ERC1: variants seen among roughly 807,000 people sequenced by gnomAD.
ERC1 encodes the protein ELKS/RAB6-interacting/CAST family member 1.
Under a neutral mutation model 132.0 loss-of-function variants are expected in ERC1, and 56 were observed. The observed-to-expected ratio is 0.42, with a 90% CI of 0.34 to 0.53. ERC1 has a LOEUF of 0.53. Ranked by LOEUF, ERC1 falls within the 20% of genes least tolerant of loss-of-function variation. The pLI is 0.03. For synonymous variants in ERC1, 478 were observed against 476.1 expected (o/e 1.00, Z -0.05); for missense variants, 1,202 against 1,349.9 (o/e 0.89, Z 1.72).
intron 15 of ERC1, among the ~76,000 whole-genome samples, chr12:1,315,567 T>G (rs995599959): frequency 2.3e-4 from 35 of 152,094 alleles, no homozygotes; most frequent in Non-Finnish European, 4.4e-4. Context: ...GCCAGGCTGG[T>G]CTCGAACTCC....
chr12:1,138,013 T>A (rs1949443109), intron 7 of ERC1, among the ~76,000 whole-genome samples: 1 of 133,786 alleles, frequency 7.5e-6, no homozygotes, highest in East Asian at 2.1e-4. Flanking sequence ...TATAAATGTG[T>A]AAATGTATAT....
chr12:1,013,828 C>T (rs1321558119), intron 1 of ERC1, among the ~76,000 whole-genome samples: 1 of 152,102 alleles, frequency 6.6e-6, no homozygotes, highest in Non-Finnish European at 1.5e-5. Flanking sequence ...AACTCCTGGG[C>T]TCAAGCTGTC....
chr12:1,335,515 A>T (rs375282160), intron 15 of ERC1, among the ~76,000 whole-genome samples: 1 of 151,982 alleles, frequency 6.6e-6, no homozygotes, highest in African/African-American at 2.4e-5. Context: ...AGTTCTGTTT[A>T]TGTGCTGAAT....
intron 8 of ERC1, among the ~76,000 whole-genome samples, chr12:1,165,947 C>T (rs755697427): frequency 6.6e-6 from 1 of 152,210 alleles, no homozygotes; most frequent in Non-Finnish European, 1.5e-5. Flanking sequence ...CTGGCAATTA[C>T]AACCCCTCAT....
Position 1,196,852 on chromosome 12 carries a change from C to CTGTCTG in ERC1, c.2351+6801_2351+6802insGTCTGT, listed in dbSNP as rs1394381112. ...TCTCTGTCTGTCTCTCTGTCTGTCT[C>CTGTCTG]TCTCTCACTCTCTCTCTCTCTCTCT... On this transcript the variant is annotated intron_variant, in intron 12 of 18. Transcript: ENST00000360905. Among the ~76,000 whole-genome samples the CTGTCTG allele has an allele frequency of 9.9e-3, 1,252 of 126,096 alleles. 97 individuals carry two copies. Among genetic ancestry groups the CTGTCTG allele is most frequent in the African/African-American group, 0.041 (1,150 of 28,200 alleles). The allele number at this position is 126,096 out of a possible 152,430, so 82.7% of individuals were successfully genotyped here. A position where few individuals can be genotyped will look rare whatever the true frequency, so the allele number is the denominator to read the frequency against.
At position 1,131,847 on chromosome 12, in the gene ERC1, C is replaced by A. The variant is rs1948797227; in HGVS notation, c.1570-9773C>A. ...TGTTCACTTCCATTGGTAGAGAAAA[C>A]CTTGTAGACAAAAGCCTTCTGTTTT... On this transcript the variant is annotated intron_variant, in intron 7 of 18. Coordinates refer to ENST00000360905, the MANE Select transcript of ERC1 (RefSeq NM_178040.4). 2.0e-5 allele frequency among the ~76,000 whole-genome samples: 3 copies of A among 152,084 alleles called. No homozygotes were observed. In the South Asian group the frequency reaches 6.2e-4, roughly 32 times the overall value.
Position 1,493,544 on chromosome 12 carries a change from A to ATATATATATATATATATAT in ERC1, c.*3314_*3315insTATATATATATATATATAT, listed in dbSNP as rs57315267. 17 of 22,484 alleles carry ATATATATATATATATATAT rather than the reference A, an allele frequency of 7.6e-4. No individual in the cohort carries two copies. Among genetic ancestry groups the ATATATATATATATATATAT allele is most frequent in the African/African-American group, 1.1e-3 (9 of 8,046 alleles). The allele number at this position is 22,484 out of a possible 1,614,324, so 1.4% of individuals were successfully genotyped here. On this transcript the variant is annotated 3_prime_UTR_variant, in exon 19 of 19. Transcript: ENST00000360905. The stretch of plus-strand genomic sequence containing the variant: ...AGAGACTCCATTTAAAAAAAAAAAA[A>ATATATATATATATATATAT]AAAAATATATATATATATATATATA...
At chr12:1,336,306 G>A (rs1414524209) in intron 15 of ERC1, among the ~76,000 whole-genome samples, 1 of 151,588 alleles carries the variant, frequency 6.6e-6, no homozygotes, top group African/African-American at 2.4e-5. Flanking sequence ...AGGTTGGTTT[G>A]CTCTCGGTTC....
intron 2 of ERC1, among the ~76,000 whole-genome samples, chr12:1,042,165 G>A (rs567478978): frequency 8.6e-5 from 13 of 152,044 alleles, no homozygotes; most frequent in African/African-American, 3.1e-4. Flanking sequence ...AGCCTCCCGA[G>A]TAGCTGGGAC....
intron 4 of ERC1, 38 bp from the exon 5 acceptor site, chr12:1,110,154 G>A (rs1178010687): frequency 2.0e-6 from 3 of 1,532,480 alleles, no homozygotes; most frequent in African/African-American, 1.4e-5. Context: ...CTGGGTTTTT[G>A]TGAATACTTC....
At chr12:1,242,844 T>C (rs1249624742) in intron 13 of ERC1, among the ~76,000 whole-genome samples, 1 of 152,020 alleles carries the variant, frequency 6.6e-6, no homozygotes, top group Non-Finnish European at 1.5e-5. Flanking sequence ...AAATAGAAAA[T>C]AATATAGTGT....
chr12:1,214,008 G>C (rs1307808547), intron 12 of ERC1, among the ~76,000 whole-genome samples: 1 of 152,100 alleles, frequency 6.6e-6, no homozygotes, highest in Non-Finnish European at 1.5e-5. Context: ...TGCACTTTTG[G>C]AAAGAAAAAA....
At chr12:1,008,977 G>A (rs546702444) in intron 1 of ERC1, among the ~76,000 whole-genome samples, 15 of 152,082 alleles carry the variant, frequency 9.9e-5, no homozygotes, top group African/African-American at 3.6e-4. Context: ...TGGAAATTCA[G>A]GTCTGGAGTT....
intron 12 of ERC1, among the ~76,000 whole-genome samples, chr12:1,225,449 TACAC>T (rs67132193): frequency 0.014 from 1,863 of 131,752 alleles, 19 homozygotes; most frequent in East Asian, 0.041. Flanking sequence ...GGCTGTCTCT[TACAC>T]ACACACACAC....
chr12:1,289,937 T>C lies in ERC1; in HGVS notation c.2705T>C (p.Leu902Pro). ...KAKLSSTQQSLAEKETHLTNL... is the reference protein window; with the variant it reads ...KAKLSSTQQSPAEKETHLTNL... ...AAGCTGTCCTCCACCCAGCAGTCTC[T>C]GGCAGAAAAGGAAACTCACTTGACT... Residue 902 changes from leucine (L) to proline (P), a missense_variant, in exon 15 of 19, where the codon CTG becomes CCG. By Grantham distance (98) the Leu-to-Pro change is moderately conservative. Coordinates refer to ENST00000360905, the MANE Select transcript of ERC1 (RefSeq NM_178040.4). 1 of 1,614,088 alleles carries C rather than the reference T, an allele frequency of 6.2e-7. No homozygotes were observed. Among genetic ancestry groups the C allele is most frequent in the East Asian group, 2.2e-5 (1 of 44,878 alleles).
chr12:1,099,619 T>C (rs1463454949), intron 3 of ERC1, among the ~76,000 whole-genome samples: 1 of 152,170 alleles, frequency 6.6e-6, no homozygotes, highest in Non-Finnish European at 1.5e-5. Flanking sequence ...TTGACAAATA[T>C]TTGAGTACTA....
chr12:1,345,463 G>A (rs758053976), intron 15 of ERC1, among the ~76,000 whole-genome samples: 3 of 152,152 alleles, frequency 2.0e-5, no homozygotes, highest in Non-Finnish European at 4.4e-5. Flanking sequence ...GATTACAGGC[G>A]TGAGCCACCA....
chr12:1,204,479 C>G, intron 12 of ERC1: 1 of 1,578,388 alleles, frequency 6.3e-7, no homozygotes, highest in Non-Finnish European at 8.6e-7. Context: ...CATTTTCTTC[C>G]TGGATTTCCT....
intron 13 of ERC1, among the ~76,000 whole-genome samples, chr12:1,256,356 G>A (rs540527573): frequency 6.7e-6 from 1 of 149,238 alleles, no homozygotes; most frequent in African/African-American, 2.5e-5. Flanking sequence ...GAGGAAACAG[G>A]AGTTTAAAGA....
Sources: allele counts gnomAD v4.1 joint callset (sites outside exome capture counted in the v4.1 genomes callset), GRCh38; gene constraint gnomAD v4.1.1; transcripts MANE v1.5; gene names NCBI Gene and HGNC (gene_info 2026-07-23, HGNC 2026-07-21).